Variants in INTS13 observed in about 807,000 individuals in gnomAD.
INTS13 encodes integrator complex subunit 13.
Under a neutral mutation model 90.2 loss-of-function variants are expected in INTS13, and 35 were observed. That is an observed-to-expected ratio of 0.39 (90% CI 0.30 to 0.51). The LOEUF (loss-of-function observed/expected upper bound fraction) is 0.51, where lower values mean the gene tolerates loss of function less well. Among genes scored for constraint, INTS13 ranks in the 20% least tolerant of loss-of-function variants. The pLI is 0.80. For synonymous variants in INTS13, 309 were observed against 277.1 expected (o/e 1.11, Z -1.14); for missense variants, 601 against 851.2 (o/e 0.71, Z 3.66).
intron 5 of INTS13, among the ~76,000 whole-genome samples, chr12:26,926,743 T>C (rs1000873979): frequency 3.3e-5 from 5 of 152,234 alleles, no homozygotes; most frequent in Non-Finnish European, 5.9e-5. Flanking sequence ...ACCCCAGTTC[T>C]TGACACATAG....
intron 4 of INTS13, 83 bp downstream of exon 4, chr12:26,928,620 C>T: frequency 7.4e-7 from 1 of 1,356,352 alleles, no homozygotes; most frequent in Non-Finnish European, 1.0e-6. Context: ...AACATGTAAA[C>T]ATGCTGTCTC....
intron 3 of INTS13, among the ~76,000 whole-genome samples, chr12:26,929,627 T>C (rs1207303697): frequency 1.3e-5 from 2 of 151,368 alleles, no homozygotes; most frequent in African/African-American, 4.9e-5. Flanking sequence ...TCCTAGCTAC[T>C]TAGAAGACTG....
intron 6 of INTS13, 71 bp from the exon 7 acceptor site, chr12:26,924,554 A>G: frequency 7.0e-7 from 1 of 1,433,880 alleles, no homozygotes; most frequent in Non-Finnish European, 9.4e-7. Context: ...TAAATATTTT[A>G]GTATAAATCC....
intron 5 of INTS13, among the ~76,000 whole-genome samples, chr12:26,926,830 A>G (rs1348609586): frequency 6.6e-6 from 1 of 152,216 alleles, no homozygotes; most frequent in Non-Finnish European, 1.5e-5. Context: ...GGGATCCTGG[A>G]CAGCTCCCCA....
chr12:26,914,989 G>GGCCAA (rs1951889515), intron 11 of INTS13, among the ~76,000 whole-genome samples: 1 of 152,134 alleles, frequency 6.6e-6, no homozygotes, highest in African/African-American at 2.4e-5. Flanking sequence ...CACTTCAGGA[G>GGCCAA]GCCAAGACAG....
At position 26,906,312 on chromosome 12, in the gene INTS13, C is replaced by G. The variant is rs1431375236; in HGVS notation, c.2071G>C (p.Glu691Gln). 1 of 1,603,312 alleles carries G rather than the reference C, an allele frequency of 6.2e-7. No homozygotes were observed. Among genetic ancestry groups the G allele is most frequent in the South Asian group, 1.1e-5 (1 of 88,458 alleles). ...NRAELYQHLK[E>Q]ENGMETTENG... is the part of the protein sequence containing the mutation. ...ATAAGTAACACAAACCCATTTTCCT[C>G]TTTAAGATGTTGATATAGTTCAGCT... is the stretch of plus-strand genomic sequence containing the variant. The change falls in exon 16 of 17, where the codon GAG (glutamate) becomes CAG (glutamine). Residue 691 changes from glutamate to glutamine, a missense_variant. Glu to Gln is a conservative substitution (Grantham distance 29, BLOSUM62 2). Coordinates refer to ENST00000261191, the MANE Select transcript of INTS13 (RefSeq NM_018164.3).
chr12:26,909,388 C>A (rs1951708794), intron 15 of INTS13, among the ~76,000 whole-genome samples: 1 of 151,978 alleles, frequency 6.6e-6, no homozygotes. Flanking sequence ...ATACATACCA[C>A]CCTATGGACA....
intron 3 of INTS13, among the ~76,000 whole-genome samples, chr12:26,931,647 C>T (rs1938198679): frequency 6.6e-6 from 1 of 152,094 alleles, no homozygotes; most frequent in African/African-American, 2.4e-5. Context: ...GTCTTCTATC[C>T]AACTAAATGA....
chr12:26,907,771 T>C (rs1025907427), intron 15 of INTS13, among the ~76,000 whole-genome samples: 1 of 152,184 alleles, frequency 6.6e-6, no homozygotes, highest in Non-Finnish European at 1.5e-5. Context: ...GTACAAAATA[T>C]TTTAATGGAC....
chr12:26,929,556 AT>A (rs1469831150), intron 3 of INTS13, among the ~76,000 whole-genome samples: 2 of 148,394 alleles, frequency 1.3e-5, no homozygotes, highest in Non-Finnish European at 3.0e-5. Context: ...CACCGTTTCT[AT>A]AAAAAGAAAA....
rs1485243310 is a variant in INTS13, at chr12:26,932,969, A to C, written c.300+1587T>G. On this transcript the variant is annotated intron_variant, in intron 3 of 16. Coordinates refer to ENST00000261191, the MANE Select transcript of INTS13 (RefSeq NM_018164.3). ...TCAGCAGGCATTTAAGAAAAGCCTCAACATAAAAAAAGAACTGTGAGAACA... is the reference window on the plus strand; with the variant it reads ...TCAGCAGGCATTTAAGAAAAGCCTCCACATAAAAAAAGAACTGTGAGAACA... 2.0e-5 allele frequency among the ~76,000 whole-genome samples: 3 copies of C among 152,242 alleles called. No homozygotes were observed. The East Asian group carries it at 5.8e-4, about 29-fold the overall frequency.
chr12:26,929,610 C>T (rs1276294423), intron 3 of INTS13, among the ~76,000 whole-genome samples: 1 of 151,110 alleles, frequency 6.6e-6, no homozygotes. Flanking sequence ...GTGATGTACA[C>T]CCATAGTCCT....
At chr12:26,927,929 C>T (rs536479190) in intron 5 of INTS13, among the ~76,000 whole-genome samples, 16 of 151,920 alleles carry the variant, frequency 1.1e-4, no homozygotes, top group African/African-American at 3.6e-4. Flanking sequence ...TTTACAAATT[C>T]GAAACACAAC....
chr12:26,934,239 C>T (rs971310263), intron 3 of INTS13, among the ~76,000 whole-genome samples: 2 of 152,134 alleles, frequency 1.3e-5, no homozygotes, highest in African/African-American at 4.8e-5. Context: ...CAATGCACCC[C>T]AGTCTGGGTG....
At chr12:26,921,838 T>C (rs939887213) in intron 8 of INTS13, among the ~76,000 whole-genome samples, 3 of 152,208 alleles carry the variant, frequency 2.0e-5, no homozygotes, top group Non-Finnish European at 4.4e-5. Context: ...TAATTTTTAG[T>C]AGAGACGGGC....
At chr12:26,906,779 C>A (rs1951622331) in intron 15 of INTS13, among the ~76,000 whole-genome samples, 1 of 152,188 alleles carries the variant, frequency 6.6e-6, no homozygotes, top group Non-Finnish European at 1.5e-5. Flanking sequence ...TGGAGACTGG[C>A]AGAATCCATT....
At chr12:26,925,467 T>C (rs976380158) in intron 6 of INTS13, among the ~76,000 whole-genome samples, 2 of 152,060 alleles carry the variant, frequency 1.3e-5, no homozygotes, top group Non-Finnish European at 2.9e-5. Context: ...TTTTACAGAA[T>C]AAAAATAATC....
chr12:26,920,423 A>T (rs112997556), intron 8 of INTS13, among the ~76,000 whole-genome samples: 15,287 of 149,852 alleles, frequency 0.1, 1,041 homozygotes, highest in East Asian at 0.16. Flanking sequence ...TTTTTGAGAC[A>T]GAGTCTCGCT....
At chr12:26,927,725 CCTGCCTCAG>C in intron 5 of INTS13, among the ~76,000 whole-genome samples, 1 of 152,292 alleles carries the variant, frequency 6.6e-6, no homozygotes, top group African/African-American at 2.4e-5. Context: ...AAGCAATTTT[CCTGCCTCAG>C]CTGCCTGAGT....
Sources: gnomAD v4.1 joint callset for allele counts (sites outside exome capture counted in the v4.1 genomes callset) on GRCh38, gnomAD v4.1.1 for gene constraint, MANE v1.5 for transcripts, NCBI Gene and HGNC (gene_info 2026-07-23, HGNC 2026-07-21) for gene names.